ZDHHC11B: variants seen among roughly 807,000 people sequenced by gnomAD.
The protein encoded by ZDHHC11B is zDHHC palmitoyltransferase 11B (putative).
Under a neutral mutation model 42.3 loss-of-function variants are expected in ZDHHC11B, and 17 were observed. The observed-to-expected ratio is 0.40, with a 90% CI of 0.27 to 0.60. ZDHHC11B has a LOEUF of 0.60. Among genes scored for constraint, ZDHHC11B ranks in the 20% least tolerant of loss-of-function variants. ZDHHC11B has a pLI of 0.41. For synonymous variants in ZDHHC11B, 123 were observed against 193.5 expected (o/e 0.64, Z 3.02); for missense variants, 262 against 463.2 (o/e 0.57, Z 3.99).
At chr5:773,459 G>A (rs1265635996) in intron 1 of ZDHHC11B, among the ~76,000 whole-genome samples, 4 of 151,882 alleles carry the variant, frequency 2.6e-5, no homozygotes, top group East Asian at 1.9e-4. Flanking sequence ...CCATCTCCAC[G>A]TGTGTGCCCT....
intron 4 of ZDHHC11B, 79 bp downstream of exon 4, chr5:766,619 C>T: frequency 2.1e-6 from 3 of 1,446,620 alleles, no homozygotes; most frequent in Non-Finnish European, 2.8e-6. Context: ...CAGCCATGGC[C>T]CAGACCCCAC....
intron 1 of ZDHHC11B, among the ~76,000 whole-genome samples, chr5:773,159 T>C (rs1216946353): frequency 1.3e-5 from 2 of 151,932 alleles, no homozygotes; most frequent in Non-Finnish European, 2.9e-5. Flanking sequence ...TGAGGAGGTG[T>C]CAGACGGACA....
chr5:735,794 C>T (rs1163931581), intron 10 of ZDHHC11B, among the ~76,000 whole-genome samples: 5 of 149,876 alleles, frequency 3.3e-5, no homozygotes, highest in Admixed American at 6.7e-5. Flanking sequence ...ACAAGTCAGT[C>T]CTACAAGAAA....
chr5:780,709 G>A (rs1252777629), intron 1 of ZDHHC11B, among the ~76,000 whole-genome samples: 1 of 149,012 alleles, frequency 6.7e-6, no homozygotes, highest in Non-Finnish European at 1.5e-5. Flanking sequence ...GGGACACGTG[G>A]GCACTGGCGA....
intron 1 of ZDHHC11B, among the ~76,000 whole-genome samples, chr5:777,974 G>A (rs926166994): frequency 1.9e-4 from 29 of 151,926 alleles, no homozygotes; most frequent in African/African-American, 7.0e-4. Flanking sequence ...CCAGCAGGGA[G>A]GCGGCTGAGG....
intron 1 of ZDHHC11B, among the ~76,000 whole-genome samples, chr5:780,474 G>A (rs1378040453): frequency 2.0e-5 from 3 of 150,854 alleles, no homozygotes; most frequent in African/African-American, 7.4e-5. Flanking sequence ...ATTGATCCAC[G>A]TTAGCCAGCA....
At position 777,560 on chromosome 5, in the gene ZDHHC11B, C is replaced by T. The variant is rs1200257836; in HGVS notation, c.-230+7108G>A. Among the ~76,000 whole-genome samples, 17 of 151,936 alleles carry T rather than the reference C, an allele frequency of 1.1e-4. 1 individual carries two copies. Among genetic ancestry groups the T allele is most frequent in the East Asian group, 3.8e-4 (2 of 5,196 alleles). ...AGAATGGAGTCAGGTTGCGGCAGGGCGTTCCGGCTACCCGCTTTTATTCCG... is the reference window on the plus strand; with the variant it reads ...AGAATGGAGTCAGGTTGCGGCAGGGTGTTCCGGCTACCCGCTTTTATTCCG... On this transcript the variant is annotated intron_variant, in intron 1 of 13. Coordinates refer to ENST00000508859, the MANE Select transcript of ZDHHC11B (RefSeq NM_001351303.2).
chr5:752,491 T>A lies in ZDHHC11B; in HGVS notation c.504-1234A>T, dbSNP rs1172450196. On this transcript the variant is annotated intron_variant, in intron 6 of 13. Transcript: ENST00000508859. ...CCTTGGTCTTTCTGCCATGATGATA[T>A]TTTTTTTAAAGTATCCTTTAACCTC... Among the ~76,000 whole-genome samples, 4 of 84,192 alleles carry A rather than the reference T, an allele frequency of 4.8e-5. 1 individual carries two copies. The highest frequency in any genetic ancestry group is 1.1e-4 in the Non-Finnish European group (4 of 36,068). The allele number at this position is 84,192 out of a possible 152,430, so 55.2% of individuals were successfully genotyped here.
At chr5:744,533 T>A (rs1744522327) in intron 9 of ZDHHC11B, among the ~76,000 whole-genome samples, 3 of 148,936 alleles carry the variant, frequency 2.0e-5, no homozygotes, top group Admixed American at 1.4e-4. Context: ...TTAGTTATAA[T>A]AATTCATGTC....
chr5:777,529 G>T (rs1484918832), intron 1 of ZDHHC11B, among the ~76,000 whole-genome samples: 5 of 151,844 alleles, frequency 3.3e-5, no homozygotes. Flanking sequence ...TTCCACAGCG[G>T]AGAAGAGAAT....
intron 10 of ZDHHC11B, among the ~76,000 whole-genome samples, chr5:741,346 G>A (rs1186011850): frequency 6.7e-6 from 1 of 149,248 alleles, no homozygotes; most frequent in African/African-American, 2.5e-5. Context: ...TTGTGTGTTA[G>A]TTTAGATGTT....
chr5:766,687 G>C lies in ZDHHC11B; in HGVS notation c.222+11C>G. 6.2e-7 allele frequency: 1 copy of C among 1,601,460 alleles called. No individual in the cohort carries two copies. The highest frequency in any genetic ancestry group is 8.5e-7 in the Non-Finnish European group (1 of 1,172,768). On this transcript the variant is annotated intron_variant, in intron 4 of 13. Coordinates refer to ENST00000508859, the MANE Select transcript of ZDHHC11B (RefSeq NM_001351303.2). ...CCTCCCGCTTAGACCATGCCACGATGAAAAGGATACCACATAGGCGATGTA... is the reference window on the plus strand; with the variant it reads ...CCTCCCGCTTAGACCATGCCACGATCAAAAGGATACCACATAGGCGATGTA...
intron 1 of ZDHHC11B, among the ~76,000 whole-genome samples, chr5:776,536 T>C (rs1736502925): frequency 1.3e-5 from 2 of 151,958 alleles, no homozygotes; most frequent in Non-Finnish European, 1.5e-5. Flanking sequence ...AGTGTGCTCC[T>C]GGCCTCAAAC....
intron 7 of ZDHHC11B, 66 bp downstream of exon 7, chr5:751,067 G>C (rs1745566664): frequency 1.2e-6 from 1 of 858,892 alleles, no homozygotes; most frequent in East Asian, 5.6e-5. Context: ...CCCCAGACCC[G>C]ATACTACCGC....
chr5:780,567 C>A (rs1187336902), intron 1 of ZDHHC11B, among the ~76,000 whole-genome samples: 1 of 138,674 alleles, frequency 7.2e-6, no homozygotes, highest in South Asian at 2.2e-4. Flanking sequence ...ATTGCAGCTT[C>A]GACGGGAAAA....
rs148054064 is a variant in ZDHHC11B, at chr5:756,252, C to A, written c.223-108G>T. The A allele has an allele frequency of 2.0e-3, 2,967 of 1,486,708 alleles. 6 individuals are homozygous for A. The African/African-American group carries it at 0.037, about 19-fold the overall frequency. 92.1% of individuals were successfully genotyped at this position (1,486,708 alleles called of 1,614,324 possible). A position where few individuals can be genotyped will look rare whatever the true frequency, so the allele number is the denominator to read the frequency against. ...GGCGTGGCCACTGGTCAGCCCTGCT[C>A]ACCCAGCCCTGCACACGTGAGCCCA... On this transcript the variant is annotated intron_variant, in intron 4 of 13. Transcript: ENST00000508859.
chr5:763,693 G>A (rs746849191), intron 4 of ZDHHC11B, among the ~76,000 whole-genome samples: 21 of 151,896 alleles, frequency 1.4e-4, no homozygotes, highest in East Asian at 1.9e-4. Context: ...GACTTGTTTC[G>A]AAAATTGGGG....
At chr5:761,026 C>T (rs1443954129) in intron 4 of ZDHHC11B, among the ~76,000 whole-genome samples, 8 of 151,816 alleles carry the variant, frequency 5.3e-5, no homozygotes, top group African/African-American at 1.9e-4. Flanking sequence ...AAAAGGCAGG[C>T]GGGCGCTGTG....
intron 1 of ZDHHC11B, among the ~76,000 whole-genome samples, chr5:771,103 C>T (rs1735990884): frequency 2.0e-5 from 3 of 151,886 alleles, no homozygotes; most frequent in Admixed American, 2.0e-4. Context: ...ATGGCCTCTG[C>T]CCACAGACAC....
Sources: allele counts gnomAD v4.1 joint callset (sites outside exome capture counted in the v4.1 genomes callset), GRCh38; gene constraint gnomAD v4.1.1; transcripts MANE v1.5; gene names NCBI Gene and HGNC (gene_info 2026-07-23, HGNC 2026-07-21).